Variants in ARIH1 observed in about 807,000 individuals in gnomAD.
ARIH1 encodes E3 ubiquitin-protein ligase ARIH1.
ARIH1 carries 8 observed loss-of-function variants against 85.0 expected under a neutral mutation model. That is an observed-to-expected ratio of 0.09 (90% CI 0.06 to 0.17). The LOEUF is 0.17. Among genes scored for constraint, ARIH1 ranks in the 10% least tolerant of loss-of-function variants. ARIH1 has a pLI of 1.00. For synonymous variants in ARIH1, 238 were observed against 253.6 expected, an observed-to-expected ratio of 0.94 and a Z score of 0.59; for missense variants, 311 against 718.1, an observed-to-expected ratio of 0.43 and a Z score of 6.48.
intron 1 of ARIH1, among the ~76,000 whole-genome samples, chr15:72,487,970 A>G (rs1049228087): frequency 1.3e-5 from 2 of 152,042 alleles, no homozygotes; most frequent in Non-Finnish European, 2.9e-5. Flanking sequence ...TGTGTAACAC[A>G]TATTTGTGTT....
intron 1 of ARIH1, among the ~76,000 whole-genome samples, chr15:72,476,397 C>T (rs1595845914): frequency 6.6e-6 from 1 of 152,318 alleles, no homozygotes; most frequent in East Asian, 1.9e-4. Flanking sequence ...CGGAGTCTTG[C>T]TTTGTCGCCC....
At chr15:72,558,175 A>G (rs1202938927) in intron 5 of ARIH1, among the ~76,000 whole-genome samples, 3 of 152,190 alleles carry the variant, frequency 2.0e-5, no homozygotes, top group Non-Finnish European at 4.4e-5. Flanking sequence ...TTGTCATATC[A>G]TAGATGGCTC....
intron 2 of ARIH1, 71 bp from the exon 3 acceptor site, chr15:72,544,749 G>A (rs2140423872): frequency 7.4e-7 from 1 of 1,343,146 alleles, no homozygotes; most frequent in Non-Finnish European, 1.0e-6. Context: ...CCTATAGAAA[G>A]TCAGGTTTTT....
At chr15:72,527,029 G>A (rs1224592385) in intron 2 of ARIH1, among the ~76,000 whole-genome samples, 1 of 151,768 alleles carries the variant, frequency 6.6e-6, no homozygotes, top group East Asian at 1.9e-4. Flanking sequence ...CTTCCATCTG[G>A]GTTTTGATAC....
chr15:72,478,264 C>T (rs1595846424), intron 1 of ARIH1, among the ~76,000 whole-genome samples: 1 of 151,940 alleles, frequency 6.6e-6, no homozygotes, highest in East Asian at 1.9e-4. Context: ...TACAGGTGTG[C>T]ACCACCACAC....
At chr15:72,483,410 C>T (rs1206426446) in intron 1 of ARIH1, among the ~76,000 whole-genome samples, 1 of 152,202 alleles carries the variant, frequency 6.6e-6, no homozygotes, top group Non-Finnish European at 1.5e-5. Flanking sequence ...AGTAACGTCG[C>T]ATCACTTTGC....
chr15:72,499,005 A>G (rs1213823147), intron 1 of ARIH1, among the ~76,000 whole-genome samples: 1 of 92,952 alleles, frequency 1.1e-5, no homozygotes, highest in Non-Finnish European at 1.8e-5. Context: ...TTTTGAGACA[A>G]AGTCTTGCTC....
In ARIH1 at chr15:72,596,119, T is replaced by C. The variant is rs28429820; in HGVS notation, c.*12827T>C. 22,448 of 152,158 alleles carry C rather than the reference T, an allele frequency of 0.15. 3,750 individuals carry two copies. The highest frequency in any genetic ancestry group is 0.41 in the African/African-American group (17,021 of 41,466). 9.4% of individuals were successfully genotyped at this position (152,158 alleles called of 1,614,324 possible). A position where few individuals can be genotyped will look rare whatever the true frequency, so the allele number is the denominator to read the frequency against. ...TACAGGTCACTAGGCGTAGTAGGGC[T>C]ACTACGCCTGGCCCTACTGCAGTTT... On this transcript the variant is annotated 3_prime_UTR_variant, in exon 14 of 14. Transcript: ENST00000379887.
At chr15:72,577,292 A>G (rs1000138503) in intron 11 of ARIH1, among the ~76,000 whole-genome samples, 10 of 152,080 alleles carry the variant, frequency 6.6e-5, no homozygotes, top group Non-Finnish European at 1.2e-4. Flanking sequence ...CCTGGCATAT[A>G]CTGTGTTCTT....
rs1340173025 is a variant in ARIH1 at position 72,594,489 on chromosome 15, T to C, written c.*11197T>C. The C allele has an allele frequency of 6.6e-6, 1 of 152,158 alleles. No individual in the cohort carries two copies. The highest frequency in any genetic ancestry group is 6.5e-5 in the Admixed American group (1 of 15,272). The allele number at this position is 152,158 out of a possible 1,614,324, so 9.4% of individuals were successfully genotyped here. On this transcript the variant is annotated 3_prime_UTR_variant, in exon 14 of 14. Coordinates refer to ENST00000379887, the MANE Select transcript of ARIH1 (RefSeq NM_005744.5). ...GGCTAATTTTCATTTTTAAGTTGTT[T>C]GCTGCTAGTATCTAGAAATACAATT...
intron 1 of ARIH1, among the ~76,000 whole-genome samples, chr15:72,484,539 T>C (rs2063829346): frequency 6.6e-6 from 1 of 152,044 alleles, no homozygotes; most frequent in Non-Finnish European, 1.5e-5. Context: ...GTTCTTGATT[T>C]ACTTCTCTTA....
chr15:72,580,318 T>C (rs2064290387), intron 11 of ARIH1, among the ~76,000 whole-genome samples: 1 of 152,240 alleles, frequency 6.6e-6, no homozygotes, highest in African/African-American at 2.4e-5. Context: ...GTTTTCTTTC[T>C]GTGTTCATCC....
intron 2 of ARIH1, among the ~76,000 whole-genome samples, chr15:72,541,213 T>C (rs1250505005): frequency 6.6e-6 from 1 of 152,156 alleles, no homozygotes; most frequent in Non-Finnish European, 1.5e-5. Flanking sequence ...TATGGCTAGT[T>C]GAGATAATGG....
chr15:72,487,082 T>TA (rs2063840663), intron 1 of ARIH1, among the ~76,000 whole-genome samples: 2 of 145,842 alleles, frequency 1.4e-5, no homozygotes, highest in Admixed American at 6.7e-5. Flanking sequence ...TTATTATTAT[T>TA]TTTTTTTGTA....
At chr15:72,529,492 A>C (rs563142597) in intron 2 of ARIH1, among the ~76,000 whole-genome samples, 1 of 152,342 alleles carries the variant, frequency 6.6e-6, no homozygotes, top group East Asian at 1.9e-4. Flanking sequence ...GGCCTGAGCC[A>C]CTGCACCCTG....
At chr15:72,514,982 A>G (rs1371022570) in intron 1 of ARIH1, among the ~76,000 whole-genome samples, 4 of 150,822 alleles carry the variant, frequency 2.7e-5, no homozygotes, top group African/African-American at 7.5e-5. Flanking sequence ...ACAAGACTCC[A>G]TCAAAAAAAC....
At chr15:72,578,816 G>GTTTTTTTTTTTTTTTTT (rs11385438) in intron 11 of ARIH1, among the ~76,000 whole-genome samples, 1 of 140,930 alleles carries the variant, frequency 7.1e-6, no homozygotes, top group Non-Finnish European at 1.5e-5. Context: ...GTTTTTTGGT[G>GTTTTTTTTTTTTTTTTT]TTTTGTTTTT....
At chr15:72,496,319 G>A (rs769165137) in intron 1 of ARIH1, among the ~76,000 whole-genome samples, 60 of 152,172 alleles carry the variant, frequency 3.9e-4, no homozygotes, top group Non-Finnish European at 7.2e-4. Flanking sequence ...GCTAGCAAAC[G>A]TTTTTATAAA....
At position 72,566,630 on chromosome 15, in the gene ARIH1, T is replaced by G. The variant is rs376651382; in HGVS notation, c.954+25T>G. ...GGTGAGTTTGTCTGACATTTCAATTTTTAAATAATGGCACACTTCTAAGAC... is the reference window on the plus strand; with the variant it reads ...GGTGAGTTTGTCTGACATTTCAATTGTTAAATAATGGCACACTTCTAAGAC... On this transcript the variant is annotated intron_variant, in intron 8 of 13. Coordinates refer to ENST00000379887, the MANE Select transcript of ARIH1 (RefSeq NM_005744.5). 12 of 1,594,714 alleles carry G rather than the reference T, an allele frequency of 7.5e-6. No homozygotes were observed. The African/African-American group carries it at 1.6e-4, about 21-fold the overall frequency.
Sources: gnomAD v4.1 joint callset for allele counts (sites outside exome capture counted in the v4.1 genomes callset) on GRCh38, gnomAD v4.1.1 for gene constraint, MANE v1.5 for transcripts, NCBI Gene and HGNC (gene_info 2026-07-23, HGNC 2026-07-21) for gene names.